PKIA: variants seen among roughly 807,000 people sequenced by gnomAD.
PKIA encodes the protein PKI-alpha.
Under a neutral mutation model 7.6 loss-of-function variants are expected in PKIA, and 4 were observed. That is an observed-to-expected ratio of 0.52 (90% confidence interval 0.26 to 1.20). The LOEUF is 1.20. Ranked by LOEUF, PKIA falls within the 50% of genes most tolerant of loss-of-function variation. PKIA has a pLI of 0.13. For missense variants in PKIA, 73 were observed against 86.2 expected, an observed-to-expected ratio of 0.85 and a Z score of 0.61; for synonymous variants, 21 against 30.7, an observed-to-expected ratio of 0.68 and a Z score of 1.04.
At chr8:78,588,075 C>T (rs971773685) in intron 2 of PKIA, among the ~76,000 whole-genome samples, 1 of 152,030 alleles carries the variant, frequency 6.6e-6, no homozygotes, top group African/African-American at 2.4e-5. Flanking sequence ...ATAAAGAGGT[C>T]AACATGAAAA....
chr8:78,534,013 ACAAG>A (rs1337481226), intron 1 of PKIA: 1 of 152,158 alleles, frequency 6.6e-6, no homozygotes, highest in East Asian at 1.9e-4. Flanking sequence ...TTTACTTAAA[ACAAG>A]CAAGTGTTTA....
intron 1 of PKIA, among the ~76,000 whole-genome samples, chr8:78,528,719 C>T (rs1187768343): frequency 6.7e-6 from 1 of 150,348 alleles, no homozygotes; most frequent in Non-Finnish European, 1.5e-5. Flanking sequence ...GTAATCTCAG[C>T]ACTTTGGGTG....
intron 2 of PKIA, among the ~76,000 whole-genome samples, chr8:78,586,185 C>G (rs1360100420): frequency 3.3e-5 from 5 of 152,222 alleles, no homozygotes; most frequent in Non-Finnish European, 4.4e-5. Context: ...TAAGGTTTCT[C>G]CCATCCTGGG....
intron 1 of PKIA, among the ~76,000 whole-genome samples, chr8:78,561,061 T>C (rs187470859): frequency 6.7e-4 from 102 of 152,294 alleles, no homozygotes; most frequent in African/African-American, 2.4e-3. Flanking sequence ...GGTATATCAG[T>C]ACAAATCTCA....
intron 2 of PKIA, among the ~76,000 whole-genome samples, chr8:78,595,028 G>A (rs1053667644): frequency 1.3e-5 from 2 of 152,134 alleles, no homozygotes; most frequent in African/African-American, 4.8e-5. Flanking sequence ...CTCCATCCAA[G>A]TGTATACTAA....
chr8:78,598,536 G>T lies in PKIA; in HGVS notation c.151+1G>T. 1 of 1,605,632 alleles carries T rather than the reference G, an allele frequency of 6.2e-7. No individual in the cohort carries two copies. The highest frequency in any genetic ancestry group is 8.5e-7 in the Non-Finnish European group (1 of 1,174,412). On this transcript the variant is annotated splice_donor_variant, in intron 3 of 3. Coordinates refer to ENST00000396418, the MANE Select transcript of PKIA (RefSeq NM_006823.4). LOFTEE classifies it high-confidence loss of function. ...GCAGGTCTTGATATCAACAAGACAG[G>T]TAAGTCATCTGGCACACATTTCTCT...
intron 1 of PKIA, among the ~76,000 whole-genome samples, chr8:78,556,797 A>G (rs929103551): frequency 1.3e-5 from 2 of 152,168 alleles, no homozygotes; most frequent in Non-Finnish European, 2.9e-5. Flanking sequence ...CATATCTTAT[A>G]TTGGTAACAT....
chr8:78,527,093 GTC>G (rs1359149406), intron 1 of PKIA, among the ~76,000 whole-genome samples: 2 of 152,048 alleles, frequency 1.3e-5, no homozygotes, highest in Non-Finnish European at 2.9e-5. Flanking sequence ...AGTTGGTAGA[GTC>G]TCTTCATGTA....
chr8:78,592,970 A>G (rs551816600), intron 2 of PKIA, among the ~76,000 whole-genome samples: 2 of 152,208 alleles, frequency 1.3e-5, no homozygotes, highest in Non-Finnish European at 2.9e-5. Context: ...ACCCAAAGAC[A>G]TATACCCATA....
intron 1 of PKIA, among the ~76,000 whole-genome samples, chr8:78,566,287 T>C (rs1807410479): frequency 6.6e-6 from 1 of 152,130 alleles, no homozygotes; most frequent in Non-Finnish European, 1.5e-5. Flanking sequence ...CATAGTCTAA[T>C]TTATGAAACA....
At chr8:78,601,654 A>T in intron 3 of PKIA, 88 bp from the exon 4 acceptor site, 1 of 971,398 alleles carries the variant, frequency 1.0e-6, no homozygotes, top group Non-Finnish European at 1.6e-6. Flanking sequence ...AGTATTTCTG[A>T]AGTTACCAAT....
At chr8:78,574,082 A>C (rs976162409) in intron 2 of PKIA, among the ~76,000 whole-genome samples, 2 of 152,044 alleles carry the variant, frequency 1.3e-5, no homozygotes, top group African/African-American at 4.8e-5. Context: ...AAAATCCATC[A>C]GATAAATTTC....
At chr8:78,535,752 ATAAC>A (rs1319021694) in intron 1 of PKIA, 2 of 152,172 alleles carry the variant, frequency 1.3e-5, no homozygotes, top group African/African-American at 4.8e-5. Context: ...AAAATAAAAG[ATAAC>A]TATTACAAAT....
chr8:78,601,866 TC>T lies in PKIA; in HGVS notation c.*47del. The T allele has an allele frequency of 7.2e-7, 1 of 1,395,058 alleles. No individual in the cohort carries two copies. The highest frequency in any genetic ancestry group is 1.0e-6 in the Non-Finnish European group (1 of 985,686). 86.4% of individuals were successfully genotyped at this position (1,395,058 alleles called of 1,614,324 possible). On this transcript the variant is annotated 3_prime_UTR_variant, in exon 4 of 4. Coordinates refer to ENST00000396418, the MANE Select transcript of PKIA (RefSeq NM_006823.4). ...ACCACACCTGAAAATGTCTCAAATC[TC>T]CAGGAGTATCTGGAATGCATTTGTT...
At chr8:78,520,950 G>C (rs776786129) in intron 1 of PKIA, among the ~76,000 whole-genome samples, 8 of 152,030 alleles carry the variant, frequency 5.3e-5, no homozygotes, top group Non-Finnish European at 7.4e-5. Context: ...CCTGAAATGA[G>C]AGCCCTTCAC....
At chr8:78,544,754 C>T (rs964919722) in intron 1 of PKIA, among the ~76,000 whole-genome samples, 30 of 152,118 alleles carry the variant, frequency 2.0e-4, no homozygotes, top group African/African-American at 7.0e-4. Context: ...GACTAATGTA[C>T]GTACCTTATC....
intron 2 of PKIA, among the ~76,000 whole-genome samples, chr8:78,593,443 A>G (rs1488625626): frequency 6.6e-6 from 1 of 152,150 alleles, no homozygotes; most frequent in Non-Finnish European, 1.5e-5. Flanking sequence ...TTTAAAAGCC[A>G]TAGAAAGAGA....
chr8:78,580,553 C>T (rs1294497504), intron 2 of PKIA, among the ~76,000 whole-genome samples: 1 of 151,908 alleles, frequency 6.6e-6, no homozygotes, highest in Admixed American at 6.6e-5. Context: ...GTGTCTGCAC[C>T]GAGGAGCATA....
intron 1 of PKIA, among the ~76,000 whole-genome samples, chr8:78,527,417 T>C (rs1237213963): frequency 6.6e-6 from 1 of 152,022 alleles, no homozygotes; most frequent in Non-Finnish European, 1.5e-5. Context: ...AATATTTTCT[T>C]CCTATTTCAA....
Sources: gnomAD v4.1 joint callset for allele counts (sites outside exome capture counted in the v4.1 genomes callset) on GRCh38, gnomAD v4.1.1 for gene constraint, MANE v1.5 for transcripts, NCBI Gene and HGNC (gene_info 2026-07-23, HGNC 2026-07-21) for gene names.